The following DIAPH3 variants were observed in gnomAD, a reference collection of about 807,000 sequenced individuals.
DIAPH3 encodes protein diaphanous homolog 3.
Under a neutral mutation model 144.3 loss-of-function variants are expected in DIAPH3, and 117 were observed. The ratio of observed to expected loss-of-function variants is 0.81; its 90% CI spans 0.70 to 0.95. DIAPH3 has a LOEUF of 0.95. DIAPH3 is among the 40% of genes least tolerant of loss of function. DIAPH3 has a pLI of 0.00. For missense variants in DIAPH3, 1,421 were observed against 1,412.7 expected (o/e 1.01, Z -0.09); for synonymous variants, 519 against 488.9 (o/e 1.06, Z -0.81).
intron 19 of DIAPH3, 69 bp from the exon 20 acceptor site, chr13:59,911,905 A>G (rs1203987549): frequency 1.7e-6 from 2 of 1,167,286 alleles, no homozygotes; most frequent in East Asian, 5.1e-5. Context: ...ATATAATTTA[A>G]AAACTACTGA....
chr13:60,125,705 T>C (rs1248172518), intron 2 of DIAPH3, among the ~76,000 whole-genome samples: 1 of 152,130 alleles, frequency 6.6e-6, no homozygotes, highest in African/African-American at 2.4e-5. Flanking sequence ...TTGACCTATA[T>C]AAAACAGTTG....
chr13:59,683,397 G>T (rs1311967945), intron 27 of DIAPH3, among the ~76,000 whole-genome samples: 1 of 152,012 alleles, frequency 6.6e-6, no homozygotes, highest in Non-Finnish European at 1.5e-5. Flanking sequence ...GATTCTAAAA[G>T]AAAATACATA....
At chr13:60,096,355 G>A (rs66519412) in intron 3 of DIAPH3, among the ~76,000 whole-genome samples, 15,504 of 152,234 alleles carry the variant, frequency 0.1, 1,034 homozygotes, top group East Asian at 0.36. Flanking sequence ...TTCAAGGTGA[G>A]TAGTAGAAAG....
intron 1 of DIAPH3, among the ~76,000 whole-genome samples, chr13:60,145,963 TTAA>T (rs1172577209): frequency 6.6e-6 from 1 of 152,164 alleles, no homozygotes; most frequent in African/African-American, 2.4e-5. Flanking sequence ...TAAAGAAAAT[TTAA>T]TTTCTTAAAT....
At chr13:59,834,573 A>G (rs1389721890) in intron 23 of DIAPH3, among the ~76,000 whole-genome samples, 1 of 151,656 alleles carries the variant, frequency 6.6e-6, no homozygotes. Context: ...TGAAAGACCA[A>G]GGAAAAAAGA....
intron 20 of DIAPH3, among the ~76,000 whole-genome samples, chr13:59,880,852 C>T (rs931748465): frequency 6.6e-6 from 1 of 151,300 alleles, no homozygotes. Context: ...TATTCATATA[C>T]AATCAAGATT....
intron 17 of DIAPH3, among the ~76,000 whole-genome samples, chr13:59,964,297 T>C (rs2049930968): frequency 6.6e-6 from 1 of 152,012 alleles, no homozygotes; most frequent in South Asian, 2.1e-4. Flanking sequence ...TCCATTACCC[T>C]AGTATCTTTC....
chr13:60,055,495 C>A (rs1374681144), intron 4 of DIAPH3, among the ~76,000 whole-genome samples: 3 of 150,886 alleles, frequency 2.0e-5, no homozygotes, highest in East Asian at 1.9e-4. Context: ...CTGAAGTATT[C>A]TTTTAGCTCT....
Position 59,681,078 on chromosome 13 carries a change from T to C in DIAPH3, c.3320-14232A>G, listed in dbSNP as rs190912388. ...ATACAAATCTTATTGTACCTAGTTA[T>C]AGCTTTACTTATTAAAGATTATTAT... On this transcript the variant is annotated intron_variant, in intron 27 of 27. Transcript: ENST00000400324. 3.8e-3 allele frequency among the ~76,000 whole-genome samples: 574 copies of C among 152,332 alleles called. 1 individual carries two copies. The highest frequency in any genetic ancestry group is 6.2e-3 in the Non-Finnish European group (419 of 68,036).
At chr13:59,884,026 T>G (rs1474357418) in intron 20 of DIAPH3, among the ~76,000 whole-genome samples, 1 of 152,108 alleles carries the variant, frequency 6.6e-6, no homozygotes, top group Non-Finnish European at 1.5e-5. Context: ...TAGTAGGAGG[T>G]GAGCAGCGGG....
chr13:60,037,353 T>A (rs2055306403), intron 5 of DIAPH3, among the ~76,000 whole-genome samples: 1 of 151,886 alleles, frequency 6.6e-6, no homozygotes, highest in African/African-American at 2.4e-5. Flanking sequence ...TATGACTCAA[T>A]AATAGTAAAA....
chr13:59,818,557 T>C (rs1006972290), intron 24 of DIAPH3, among the ~76,000 whole-genome samples: 12 of 151,854 alleles, frequency 7.9e-5, no homozygotes, highest in Non-Finnish European at 1.5e-4. Context: ...TTATCTGGCT[T>C]TGTATAAGTT....
At chr13:59,676,153 A>T (rs896307386) in intron 27 of DIAPH3, among the ~76,000 whole-genome samples, 3 of 152,202 alleles carry the variant, frequency 2.0e-5, no homozygotes, top group African/African-American at 4.8e-5. Context: ...ATCAAATGGA[A>T]AGACCCCTTG....
chr13:60,001,433 T>C (rs909202769), intron 9 of DIAPH3, among the ~76,000 whole-genome samples: 2 of 152,200 alleles, frequency 1.3e-5, no homozygotes, highest in Non-Finnish European at 2.9e-5. Context: ...CAAAAAGGAA[T>C]AAGTTGGACT....
At chr13:59,764,742 C>G (rs1406908184) in intron 27 of DIAPH3, among the ~76,000 whole-genome samples, 1 of 151,780 alleles carries the variant, frequency 6.6e-6, no homozygotes, top group Non-Finnish European at 1.5e-5. Context: ...GGACCACCAG[C>G]AATGACTAGA....
rs144108094 is a variant in DIAPH3, at chr13:59,807,799, T to C, written c.3163+2989A>G. ...GATGAGCTCTATGATTAACGAAAGA[T>C]ATAATAAAACGTTTCTTTAAATCTA... On this transcript the variant is annotated intron_variant, in intron 25 of 27. Transcript: ENST00000400324. Among the ~76,000 whole-genome samples the C allele has an allele frequency of 3.5e-3, 534 of 152,104 alleles. 3 individuals are homozygous for C. The highest frequency in any genetic ancestry group is 0.011 in the African/African-American group (457 of 41,554).
intron 4 of DIAPH3, among the ~76,000 whole-genome samples, chr13:60,069,151 T>C (rs2057098693): frequency 6.6e-6 from 1 of 152,124 alleles, no homozygotes; most frequent in Non-Finnish European, 1.5e-5. Context: ...CACCAGTTAT[T>C]TTTTGACTTT....
At chr13:59,783,344 C>T (rs2139346102) in intron 25 of DIAPH3, among the ~76,000 whole-genome samples, 1 of 152,256 alleles carries the variant, frequency 6.6e-6, no homozygotes, top group South Asian at 2.1e-4. Flanking sequence ...TTGCCAAGTA[C>T]AGAACCGTCT....
At chr13:59,785,571 C>G (rs1013992994) in intron 25 of DIAPH3, among the ~76,000 whole-genome samples, 1 of 152,054 alleles carries the variant, frequency 6.6e-6, no homozygotes, top group Non-Finnish European at 1.5e-5. Context: ...CACAGTGCCC[C>G]CCATATGTAA....
Sources: allele counts gnomAD v4.1 joint callset (sites outside exome capture counted in the v4.1 genomes callset), GRCh38; gene constraint gnomAD v4.1.1; transcripts MANE v1.5; gene names NCBI Gene and HGNC (gene_info 2026-07-23, HGNC 2026-07-21).